Variants in PFKFB3 observed in about 807,000 individuals in gnomAD.
PFKFB3 encodes 6-phosphofructo-2-kinase/fructose-2,6-bisphosphatase 3.
Under a neutral mutation model 68.0 loss-of-function variants are expected in PFKFB3, and 33 were observed. The observed-to-expected ratio is 0.49, with a 90% CI of 0.37 to 0.65. The LOEUF (loss-of-function observed/expected upper bound fraction) is 0.65, where lower values mean the gene tolerates loss of function less well. PFKFB3 is among the 30% of genes least tolerant of loss of function. The pLI, the probability that PFKFB3 is intolerant of heterozygous loss-of-function variation, is 0.00. For missense variants in PFKFB3, 586 were observed against 712.2 expected, an observed-to-expected ratio of 0.82 and a Z score of 2.02; for synonymous variants, 315 against 288.2, an observed-to-expected ratio of 1.09 and a Z score of -0.94.
intron 6 of PFKFB3, among the ~76,000 whole-genome samples, 184 bp downstream of exon 6, chr10:6,217,375 C>A (rs1844655108): frequency 6.6e-6 from 1 of 152,202 alleles, no homozygotes; most frequent in Non-Finnish European, 1.5e-5. Flanking sequence ...AGAGGCCTGT[C>A]CTGTGAGGGA....
intron 1 of PFKFB3, among the ~76,000 whole-genome samples, chr10:6,182,129 G>A (rs1000359330): frequency 6.6e-6 from 1 of 152,184 alleles, no homozygotes; most frequent in African/African-American, 2.4e-5. Flanking sequence ...GAGGTCCCTG[G>A]CTTCTGGCCT....
chr10:6,194,350 C>T (rs1256778702), intron 1 of PFKFB3, among the ~76,000 whole-genome samples: 1 of 152,232 alleles, frequency 6.6e-6, no homozygotes, highest in Non-Finnish European at 1.5e-5. Flanking sequence ...CTTGACATCA[C>T]AAGATGAACT....
In PFKFB3 at chr10:6,155,743, A is replaced by G. The variant is rs559907247; in HGVS notation, c.16+10730A>G. 1.7e-3 allele frequency among the ~76,000 whole-genome samples: 257 copies of G among 152,272 alleles called. 1 individual carries two copies. Among genetic ancestry groups the G allele is most frequent in the African/African-American group, 5.8e-3 (242 of 41,550 alleles). On this transcript the variant is annotated intron_variant, in intron 1 of 14. Coordinates refer to the PFKFB3 transcript ENST00000379789. ...ATATTTCCCCGGTTTCAACCTCGAC[A>G]GTCAGGTCACCCCTACCTCCAGCTA... is the stretch of plus-strand genomic sequence containing the variant.
At position 6,181,796 on chromosome 10, in the gene PFKFB3, TAAAAA is replaced by T. The variant is rs60557537; in HGVS notation, c.17-31808_17-31804del. ...CTGGGCGATAGAGTAAGACTCCGTT[TAAAAA>T]AAAAAAAAAAAAAAAAAAGACAAAT... On this transcript the variant is annotated intron_variant, in intron 1 of 14. Transcript: ENST00000379789. 6.4e-3 allele frequency among the ~76,000 whole-genome samples: 730 copies of T among 114,150 alleles called. 8 individuals are homozygous for T. The highest frequency in any genetic ancestry group is 0.023 in the African/African-American group (690 of 29,904). 74.9% of individuals were successfully genotyped at this position (114,150 alleles called of 152,430 possible).
intron 1 of PFKFB3, among the ~76,000 whole-genome samples, chr10:6,157,973 C>T (rs968246466): frequency 2.6e-5 from 4 of 151,728 alleles, no homozygotes; most frequent in African/African-American, 7.3e-5. Flanking sequence ...AACTGAATGA[C>T]GGGTAAAGCC....
intron 1 of PFKFB3, among the ~76,000 whole-genome samples, chr10:6,157,125 A>G (rs979948257): frequency 5.9e-5 from 9 of 152,054 alleles, no homozygotes; most frequent in Admixed American, 2.0e-4. Flanking sequence ...AAAATTTTAA[A>G]AAGCAATTCT....
chr10:6,159,740 A>G (rs1588396104), intron 1 of PFKFB3, among the ~76,000 whole-genome samples: 1 of 151,628 alleles, frequency 6.6e-6, no homozygotes, highest in East Asian at 1.9e-4. Flanking sequence ...AACCAAAAAC[A>G]TCAAAATCAT....
chr10:6,284,764 G>A, the PFKFB3 span, among the ~76,000 whole-genome samples: 1 of 151,984 alleles, frequency 6.6e-6, no homozygotes, highest in African/African-American at 2.4e-5. Context: ...CCAGCCCCTG[G>A]TAGCCTCTAT....
the PFKFB3 span, among the ~76,000 whole-genome samples, chr10:6,262,469 A>AAAAAG: frequency 3.3e-5 from 4 of 121,726 alleles, no homozygotes; most frequent in African/African-American, 9.1e-5. Context: ...AAAAAAAAAA[A>AAAAAG]AAAAAAAAAA....
rs780889322 is a variant in PFKFB3, at chr10:6,215,231, C to CG, written c.217dup (p.Glu73GlyfsTer21). The CG allele has an allele frequency of 6.2e-7, 1 of 1,613,778 alleles. No homozygotes were observed. Among genetic ancestry groups the CG allele is most frequent in the Non-Finnish European group, 8.5e-7 (1 of 1,179,804 alleles). On this transcript the variant is annotated frameshift_variant, in exon 3 of 15. Transcript: ENST00000379775. LOFTEE classifies it high-confidence loss of function. This position sits in a 1 kb window ranked among gnomAD's most constrained non-coding sequence, Gnocchi z 4.3. ...CTTTCCCGTCCACAGTGTTCAACGTCGGGGAGTATCGCCGGGAGGCTGTGA... is the reference window on the plus strand; with the variant it reads ...CTTTCCCGTCCACAGTGTTCAACGTCGGGGGAGTATCGCCGGGAGGCTGTGA...
At chr10:6,177,176 T>C (rs1025807701) in intron 1 of PFKFB3, among the ~76,000 whole-genome samples, 1 of 152,204 alleles carries the variant, frequency 6.6e-6, no homozygotes, top group African/African-American at 2.4e-5. Context: ...CAGTGAACTC[T>C]AACAGGGTAG....
intron 14 of PFKFB3, chr10:6,231,242 C>A: frequency 1.4e-6 from 2 of 1,474,132 alleles, no homozygotes; most frequent in Non-Finnish European, 1.9e-6. Context: ...GTTTCTTCCT[C>A]TCCCCCACTC....
At chr10:6,241,557 T>A (rs904939510) in intron 14 of PFKFB3, among the ~76,000 whole-genome samples, 1 of 152,134 alleles carries the variant, frequency 6.6e-6, no homozygotes, top group Non-Finnish European at 1.5e-5. Flanking sequence ...CCAGGCCAGG[T>A]CGCATGGCTC....
At chr10:6,252,624 C>T (rs759807545) in intron 14 of PFKFB3, among the ~76,000 whole-genome samples, 37 of 152,016 alleles carry the variant, frequency 2.4e-4, no homozygotes, top group Non-Finnish European at 4.7e-4. Context: ...CTTAAATGGC[C>T]ATCAATATGG....
chr10:6,250,770 A>G (rs1351429128), intron 14 of PFKFB3, among the ~76,000 whole-genome samples: 2 of 152,144 alleles, frequency 1.3e-5, no homozygotes, highest in African/African-American at 4.8e-5. Flanking sequence ...TGGACTTCCT[A>G]GCCTCCAGAA....
intron 1 of PFKFB3, among the ~76,000 whole-genome samples, chr10:6,206,717 C>T (rs1843749511): frequency 6.6e-6 from 1 of 151,392 alleles, no homozygotes; most frequent in Non-Finnish European, 1.5e-5. Context: ...TCCTCACTGC[C>T]TAGATGGGAT....
chr10:6,282,824 C>T, the PFKFB3 span, among the ~76,000 whole-genome samples: 2 of 152,126 alleles, frequency 1.3e-5, no homozygotes, highest in South Asian at 2.1e-4. Flanking sequence ...TTCAGTTCAG[C>T]GATAAGAGTA....
chr10:6,232,674 C>G (rs1249441177), intron 14 of PFKFB3, among the ~76,000 whole-genome samples: 1 of 151,750 alleles, frequency 6.6e-6, no homozygotes, highest in Non-Finnish European at 1.5e-5. Flanking sequence ...TGGTGCCCAG[C>G]CCCTTCTCTG....
intron 2 of PFKFB3, among the ~76,000 whole-genome samples, chr10:6,214,010 A>G (rs1392626239): frequency 2.0e-5 from 3 of 152,002 alleles, no homozygotes. Flanking sequence ...CTTCAAAGCC[A>G]TCTCCAGCCA....
Sources: gnomAD v4.1 joint callset for allele counts (sites outside exome capture counted in the v4.1 genomes callset) on GRCh38, gnomAD v4.1.1 for gene constraint, Gnocchi (gnomAD v3.1) non-coding constraint, MANE v1.5 for transcripts, NCBI Gene and HGNC (gene_info 2026-07-23, HGNC 2026-07-21) for gene names.